The following PTPRG variants were observed in gnomAD, a reference collection of about 807,000 sequenced individuals.
PTPRG encodes the protein protein tyrosine phosphatase receptor type G.
PTPRG carries 102 observed loss-of-function variants against 165.3 expected under a neutral mutation model. The observed-to-expected ratio is 0.62, with a 90% CI of 0.53 to 0.73. The LOEUF is 0.73. Ranked by LOEUF, PTPRG falls within the 30% of genes least tolerant of loss-of-function variation. The pLI, the probability that PTPRG is intolerant of heterozygous loss-of-function variation, is 0.00. For missense variants in PTPRG, 1,866 were observed against 1,861.4 expected, an observed-to-expected ratio of 1.00 and a Z score of -0.05; for synonymous variants, 675 against 669.5, an observed-to-expected ratio of 1.01 and a Z score of -0.13.
intron 15 of PTPRG, among the ~76,000 whole-genome samples, chr3:62,253,017 C>T (rs1021458535): frequency 1.3e-5 from 2 of 152,104 alleles, no homozygotes; most frequent in African/African-American, 4.8e-5. Flanking sequence ...CTGCTTCTAG[C>T]CATAGTGGCA....
At chr3:61,568,495 A>G (rs961014235) in intron 1 of PTPRG, among the ~76,000 whole-genome samples, 2 of 152,208 alleles carry the variant, frequency 1.3e-5, no homozygotes, top group Non-Finnish European at 2.9e-5. Context: ...TTCACCTGGT[A>G]TCATTTGTGG....
rs1219074747 is a variant in PTPRG, at chr3:62,255,237, T to A, written c.2559+22T>A. 6.3e-7 allele frequency: 1 copy of A among 1,576,114 alleles called. No individual in the cohort carries two copies. On this transcript the variant is annotated intron_variant, in intron 16 of 29. Transcript: ENST00000474889. This position sits in a 1 kb window ranked among gnomAD's most constrained non-coding sequence, Gnocchi z 4.0. ...TGAGGTATGTTTCAAGGCTGGAAGT[T>A]AACTTCCAGAAACCTAAGTCTTACT...
At chr3:62,002,216 A>G (rs1407056455) in intron 3 of PTPRG, among the ~76,000 whole-genome samples, 5 of 152,212 alleles carry the variant, frequency 3.3e-5, no homozygotes, top group Non-Finnish European at 7.4e-5. Context: ...GAAATGGGTC[A>G]TTAGCCTAGT....
In PTPRG at chr3:62,269,115, A is replaced by G; in HGVS notation, c.2955A>G (p.Ile985Met). The G allele has an allele frequency of 1.2e-6, 2 of 1,609,494 alleles. No homozygotes were observed. The change falls in exon 20 of 30, where the codon ATA (isoleucine) becomes ATG (methionine). Residue 985 changes from isoleucine (I) to methionine (M), a missense_variant. Physicochemically the swap from Ile to Met is conservative, Grantham distance 10 (BLOSUM62 1). Around this residue, in one of 3 missense-constraint regions of PTPRG, gnomAD observed 1,452 missense variants for 1,463.0 expected, o/e 0.99. Coordinates refer to ENST00000474889, the MANE Select transcript of PTPRG (RefSeq NM_002841.4). ...TTGTCACGCTGAAGAGCACAAAAATACATGCCTGCTACACTGTTCGTCGTT... is the reference window on the plus strand; with the variant it reads ...TTGTCACGCTGAAGAGCACAAAAATGCATGCCTGCTACACTGTTCGTCGTT... Reference protein sequence around the residue: ...NIIVTLKSTKIHACYTVRRFS... With the variant: ...NIIVTLKSTKMHACYTVRRFS...
At chr3:61,852,666 ACT>A in intron 2 of PTPRG, among the ~76,000 whole-genome samples, 1 of 151,900 alleles carries the variant, frequency 6.6e-6, no homozygotes, top group South Asian at 2.1e-4. Context: ...AGAATTGGAG[ACT>A]CTGTATTTCT....
At chr3:61,898,614 C>G (rs1023126774) in intron 2 of PTPRG, among the ~76,000 whole-genome samples, 1 of 152,142 alleles carries the variant, frequency 6.6e-6, no homozygotes, top group Admixed American at 6.5e-5. Context: ...GGTTACATTG[C>G]GTTGTTTTGC....
chr3:61,681,923 G>T (rs1226790931), intron 1 of PTPRG, among the ~76,000 whole-genome samples: 1 of 152,110 alleles, frequency 6.6e-6, no homozygotes, highest in Non-Finnish European at 1.5e-5. Flanking sequence ...ACTGAAGCTG[G>T]TGGATCACTT....
chr3:61,724,240 A>G (rs1486457110), intron 1 of PTPRG, among the ~76,000 whole-genome samples: 2 of 140,994 alleles, frequency 1.4e-5, no homozygotes, highest in African/African-American at 5.3e-5. Flanking sequence ...AAGTAGTTAT[A>G]TACATAGAAT....
Position 61,851,677 on chromosome 3 carries a change from C to T in PTPRG, c.190+102695C>T, listed in dbSNP as rs1274147825. ...TAAAGCACATTTAAATTTTAAAATG[C>T]CTGAGAATTGTCATGAGGAGTCTTG... On this transcript the variant is annotated intron_variant, in intron 2 of 29. Transcript: ENST00000474889. Among the ~76,000 whole-genome samples the T allele has an allele frequency of 2.6e-5, 4 of 152,170 alleles. No homozygotes were observed. In the South Asian group the frequency reaches 8.3e-4, roughly 32 times the overall value.
chr3:61,654,142 G>A (rs989789923), intron 1 of PTPRG, among the ~76,000 whole-genome samples: 1 of 152,184 alleles, frequency 6.6e-6, no homozygotes. Context: ...GAAATGAATC[G>A]TGTGTGAATA....
chr3:61,645,504 C>T (rs1422664708), intron 1 of PTPRG, among the ~76,000 whole-genome samples: 1 of 152,200 alleles, frequency 6.6e-6, no homozygotes, highest in Non-Finnish European at 1.5e-5. Flanking sequence ...GCTAGTTTTG[C>T]CAACACAGAC....
intron 2 of PTPRG, among the ~76,000 whole-genome samples, chr3:61,893,970 G>C (rs1254949222): frequency 1.3e-5 from 2 of 152,094 alleles, no homozygotes; most frequent in Non-Finnish European, 2.9e-5. Flanking sequence ...TGATAGAGAA[G>C]CTGGTGGTGG....
intron 1 of PTPRG, among the ~76,000 whole-genome samples, chr3:61,571,087 T>C (rs559549841): frequency 6.6e-6 from 1 of 152,312 alleles, no homozygotes; most frequent in African/African-American, 2.4e-5. Flanking sequence ...AAAATGGGAA[T>C]AGTAATTATA....
At chr3:61,800,927 G>C (rs1193894141) in intron 2 of PTPRG, among the ~76,000 whole-genome samples, 1 of 152,140 alleles carries the variant, frequency 6.6e-6, no homozygotes, top group Non-Finnish European at 1.5e-5. Flanking sequence ...TTACAGACGT[G>C]AGCCACCATG....
chr3:62,108,287 A>G (rs1026552181), intron 5 of PTPRG, among the ~76,000 whole-genome samples: 20 of 151,970 alleles, frequency 1.3e-4, no homozygotes, highest in African/African-American at 4.8e-4. Flanking sequence ...GAGTGAGAAC[A>G]TGCAGTGTTT....
intron 2 of PTPRG, among the ~76,000 whole-genome samples, chr3:61,796,370 C>G (rs1414984987): frequency 6.6e-6 from 1 of 152,020 alleles, no homozygotes; most frequent in East Asian, 1.9e-4. Context: ...TTACATGACT[C>G]AAAACCAAAA....
chr3:61,752,221 G>A (rs2033460948), intron 2 of PTPRG, among the ~76,000 whole-genome samples: 1 of 152,072 alleles, frequency 6.6e-6, no homozygotes, highest in African/African-American at 2.4e-5. Flanking sequence ...GTTGGGATTT[G>A]GGCATGAGGG....
At position 62,027,085 on chromosome 3, in the gene PTPRG, TC is replaced by T. The variant is rs561642821; in HGVS notation, c.519+23592del. Among the ~76,000 whole-genome samples, 655 of 152,188 alleles carry T rather than the reference TC, an allele frequency of 4.3e-3. 2 individuals are homozygous for T. The highest frequency in any genetic ancestry group is 6.9e-3 in the Admixed American group (106 of 15,270). ...ATAGATATTCTCTGTTTAAATTCTC[TC>T]CCCGTGCCCTGTTTTCTTTTTTTTA... is the stretch of plus-strand genomic sequence containing the variant. On this transcript the variant is annotated intron_variant, in intron 4 of 29. Coordinates refer to ENST00000474889, the MANE Select transcript of PTPRG (RefSeq NM_002841.4).
At chr3:61,809,452 A>G (rs1020624013) in intron 2 of PTPRG, among the ~76,000 whole-genome samples, 2 of 152,100 alleles carry the variant, frequency 1.3e-5, no homozygotes, top group African/African-American at 4.8e-5. Context: ...ATCCAACTGG[A>G]AGAGGAAGTG....
Sources: gnomAD v4.1 joint callset for allele counts (sites outside exome capture counted in the v4.1 genomes callset) on GRCh38, gnomAD v4.1.1 for gene constraint, gnomAD v4.1.1 regional missense constraint, Gnocchi (gnomAD v3.1) non-coding constraint, MANE v1.5 for transcripts, NCBI Gene and HGNC (gene_info 2026-07-23, HGNC 2026-07-21) for gene names.